CAPN7: variants seen among roughly 807,000 people sequenced by gnomAD.
CAPN7 encodes the protein calpain 7, also known as calpain-7.
CAPN7 carries 72 observed loss-of-function variants against 115.2 expected under a neutral mutation model. That is an observed-to-expected ratio of 0.63 (90% CI 0.52 to 0.76). The LOEUF is 0.76. Among genes scored for constraint, CAPN7 ranks in the 30% least tolerant of loss-of-function variants. CAPN7 has a pLI of 0.00. For missense variants in CAPN7, 905 were observed against 971.5 expected, an observed-to-expected ratio of 0.93 and a Z score of 0.91; for synonymous variants, 344 against 322.3, an observed-to-expected ratio of 1.07 and a Z score of -0.72.
In CAPN7 at chr3:15,206,484, G is replaced by T; in HGVS notation, c.-12G>T. 6.5e-7 allele frequency: 1 copy of T among 1,538,480 alleles called. No homozygotes were observed. The highest frequency in any genetic ancestry group is 2.5e-5 in the East Asian group (1 of 39,762). ...GGCCTCCTTCCCTGCCCCGGCGCGG[G>T]GCCACTGCGCCATGGACGCCACAGC... On this transcript the variant is annotated 5_prime_UTR_variant, in exon 1 of 21. Transcript: ENST00000253693.
chr3:15,213,606 T>C (rs1254315450), intron 2 of CAPN7, among the ~76,000 whole-genome samples: 4 of 152,218 alleles, frequency 2.6e-5, no homozygotes. Context: ...TCAAGCACAT[T>C]TATGCCCTAG....
intron 3 of CAPN7, 51 bp downstream of exon 3, chr3:15,217,633 C>A: frequency 7.0e-7 from 1 of 1,437,082 alleles, no homozygotes; most frequent in Non-Finnish European, 9.3e-7. Context: ...ACCATTTCTT[C>A]TCTTGCTAGT....
intron 9 of CAPN7, 99 bp from the exon 10 acceptor site, chr3:15,232,410 ATATTGTGCGT>A: frequency 1.3e-6 from 1 of 795,150 alleles, no homozygotes; most frequent in Non-Finnish European, 2.0e-6. Context: ...AGCCGTCAGC[ATATTGTGCGT>A]TATATTTTAT....
At chr3:15,215,170 G>A (rs1432008479) in intron 2 of CAPN7, among the ~76,000 whole-genome samples, 1 of 152,132 alleles carries the variant, frequency 6.6e-6, no homozygotes, top group Non-Finnish European at 1.5e-5. Context: ...AGTGCCTGTA[G>A]TTCCAGCCAC....
intron 5 of CAPN7, among the ~76,000 whole-genome samples, chr3:15,221,318 T>G (rs1243806504): frequency 2.0e-5 from 3 of 150,558 alleles, no homozygotes; most frequent in Non-Finnish European, 4.4e-5. Context: ...TAGCTGGGAC[T>G]ACAGGTGTGT....
intron 13 of CAPN7, 40 bp from the exon 14 acceptor site, chr3:15,240,714 A>G: frequency 1.3e-6 from 2 of 1,569,236 alleles, no homozygotes; most frequent in African/African-American, 1.4e-5. Context: ...ATCATTTAGC[A>G]TTAAGATTTT....
At position 15,234,041 on chromosome 3, in the gene CAPN7, C is replaced by T. The variant is rs146419738; in HGVS notation, c.1286+68C>T. On this transcript the variant is annotated intron_variant, in intron 11 of 20. Transcript: ENST00000253693. ...GTTTAAAAACATCATGCTGGCTGGG[C>T]GTGGTGGGTCATGCCTGTAATCCCA... The T allele has an allele frequency of 5.2e-3, 4,419 of 856,470 alleles. 18 individuals carry two copies. Among genetic ancestry groups the T allele is most frequent in the Non-Finnish European group, 5.2e-3 (2,715 of 523,900 alleles). 53.1% of individuals were successfully genotyped at this position (856,470 alleles called of 1,614,324 possible).
chr3:15,252,054 C>T lies in CAPN7; in HGVS notation c.*794C>T, dbSNP rs1290377207. The T allele has an allele frequency of 6.6e-6, 1 of 152,440 alleles. No individual in the cohort carries two copies. The allele number at this position is 152,440 out of a possible 1,614,324, so 9.4% of individuals were successfully genotyped here. ...CGTTCAGTCTCTTGTGGCAATAGCA[C>T]TTTGAAGAAAATAGAGAATTTAATA... On this transcript the variant is annotated 3_prime_UTR_variant, in exon 21 of 21. Transcript: ENST00000253693.
In CAPN7 at chr3:15,229,561, C is replaced by CTTTTTTTTT. The variant is rs566957976; in HGVS notation, c.938+522_938+530dup. On this transcript the variant is annotated intron_variant, in intron 8 of 20. Transcript: ENST00000253693. ...CATCAAAATTGGTTTTACTTTTTTTCTTTTTTTTTTTTTTTTTTTTTTTTT... is the reference window on the plus strand; with the variant it reads ...CATCAAAATTGGTTTTACTTTTTTTCTTTTTTTTTTTTTTTTTTTTTTTTTTTTTTTTTT... Among the ~76,000 whole-genome samples, 661 of 87,890 alleles carry CTTTTTTTTT rather than the reference C, an allele frequency of 7.5e-3. 26 individuals carry two copies. Among genetic ancestry groups the CTTTTTTTTT allele is most frequent in the East Asian group, 0.028 (60 of 2,136 alleles). 57.7% of individuals were successfully genotyped at this position (87,890 alleles called of 152,430 possible). A position where few individuals can be genotyped will look rare whatever the true frequency, so the allele number is the denominator to read the frequency against.
chr3:15,228,998 G>C lies in CAPN7; in HGVS notation c.877G>C (p.Val293Leu). 6.2e-7 allele frequency: 1 copy of C among 1,612,938 alleles called. No homozygotes were observed. The highest frequency in any genetic ancestry group is 8.5e-7 in the Non-Finnish European group (1 of 1,179,206). ...GACAATAGTATCGGATTGCTCCTTT[G>C]TGGCATCACTGGCCATCAGTGCAGC... Reference protein sequence around the residue: ...KQTIVSDCSFVASLAISAAYE... With the variant: ...KQTIVSDCSFLASLAISAAYE... Residue 293 changes from valine (V) to leucine (L), a missense_variant, in exon 8 of 21, where the codon GTG (valine) becomes CTG (leucine). Coordinates refer to ENST00000253693, the MANE Select transcript of CAPN7 (RefSeq NM_014296.3).
At chr3:15,225,679 A>G (rs946024339) in intron 6 of CAPN7, among the ~76,000 whole-genome samples, 18 of 152,074 alleles carry the variant, frequency 1.2e-4, no homozygotes, top group African/African-American at 4.1e-4. Context: ...CTTGTCTGCT[A>G]CTCTAGCATA....
intron 6 of CAPN7, among the ~76,000 whole-genome samples, chr3:15,226,551 T>C (rs915848953): frequency 2.1e-4 from 32 of 152,202 alleles, no homozygotes; most frequent in African/African-American, 7.7e-4. Flanking sequence ...CTCCTCAAAA[T>C]TTTTGAGAGC....
In CAPN7 at chr3:15,218,499, G is replaced by C; in HGVS notation, c.396G>C (p.Leu132=). The change falls in exon 4 of 21, where the codon CTG becomes CTC. Residue 132 remains leucine (L), a synonymous_variant. Coordinates refer to ENST00000253693, the MANE Select transcript of CAPN7 (RefSeq NM_014296.3). Reference sequence around the variant, plus strand: ...CTTATGAAACTGCTGATAAAGTCCTGCAAAATAAACTGAAACAGTTGGCTC... The same window carrying C: ...CTTATGAAACTGCTGATAAAGTCCTCCAAAATAAACTGAAACAGTTGGCTC... The part of the protein sequence containing the change: ...KTSYETADKV[L]QNKLKQLARQ... The C allele has an allele frequency of 6.2e-7, 1 of 1,613,224 alleles. No homozygotes were observed. Among genetic ancestry groups the C allele is most frequent in the Non-Finnish European group, 8.5e-7 (1 of 1,179,270 alleles).
Position 15,212,164 on chromosome 3 carries a change from G to GA in CAPN7, c.169dup (p.Ile57AsnfsTer3). On this transcript the variant is annotated frameshift_variant, in exon 2 of 21. Transcript: ENST00000253693. LOFTEE classifies it high-confidence loss of function. ...AGGATCAAGCCTAGAAAATATTCAA[G>GA]AAAAAATAACTGAGTATCTGGAAAG... 2 of 1,610,346 alleles carry GA rather than the reference G, an allele frequency of 1.2e-6. No individual in the cohort carries two copies. The highest frequency in any genetic ancestry group is 1.7e-6 in the Non-Finnish European group (2 of 1,177,870).
In CAPN7 at chr3:15,242,203, T is replaced by A; in HGVS notation, c.1814T>A (p.Phe605Tyr). The A allele has an allele frequency of 6.2e-7, 1 of 1,605,044 alleles. No homozygotes were observed. Among genetic ancestry groups the A allele is most frequent in the Non-Finnish European group, 8.5e-7 (1 of 1,177,766 alleles). ...GATGATTTTGCGAATAATCGAGAATTTATCACAATGGTTGTATACAAGACT... is the reference window on the plus strand; with the variant it reads ...GATGATTTTGCGAATAATCGAGAATATATCACAATGGTTGTATACAAGACT... ...DKDDFANNRE[F>Y]ITMVVYKTDG... is the part of the protein sequence containing the mutation. The change falls in exon 16 of 21, where the codon TTT becomes TAT. Residue 605 changes from phenylalanine to tyrosine, a missense_variant. Physicochemically the swap from Phe to Tyr is conservative, Grantham distance 22. Around this residue, in one of 3 missense-constraint regions of CAPN7, gnomAD observed 620 missense variants for 703.4 expected, o/e 0.88. Coordinates refer to ENST00000253693, the MANE Select transcript of CAPN7 (RefSeq NM_014296.3).
rs755013147 is a variant in CAPN7 at position 15,220,996 on chromosome 3, A to G, written c.638+15A>G. The G allele has an allele frequency of 6.3e-7, 1 of 1,595,512 alleles. No homozygotes were observed. The highest frequency in any genetic ancestry group is 8.6e-7 in the Non-Finnish European group (1 of 1,163,966). On this transcript the variant is annotated intron_variant, in intron 5 of 20. Transcript: ENST00000253693. ...GAAGTACTCAGGTAAATAAGTTTAC[A>G]ATTAATTGTAATGAAGAATTTTGTT...
chr3:15,206,572 A>G lies in CAPN7; in HGVS notation c.77A>G (p.Tyr26Cys), dbSNP rs1486109182. 2.6e-6 allele frequency: 4 copies of G among 1,551,422 alleles called. No individual in the cohort carries two copies. The highest frequency in any genetic ancestry group is 2.6e-6 in the Non-Finnish European group (3 of 1,147,694). ...GTTCAGCGCGACCACGAAGGCCGCT[A>G]CTCCGAGGCGGTGTTTTATTACAAG... ...LAVQRDHEGR[Y>C]SEAVFYYKEA... Residue 26 changes from tyrosine to cysteine, a missense_variant, in exon 1 of 21, where the codon TAC becomes TGC. Around this residue, in one of 3 missense-constraint regions of CAPN7, gnomAD observed 271 missense variants for 239.6 expected, o/e 1.13. Coordinates refer to ENST00000253693, the MANE Select transcript of CAPN7 (RefSeq NM_014296.3).
rs541383180 is a variant in CAPN7, at chr3:15,220,157, G to A, written c.438-624G>A. Reference sequence around the variant, plus strand: ...AGAGGTTGCAGTGAGCCAAGATTGCGCCACTACGCTCTAGCTTGGGCAACA... The same window carrying A: ...AGAGGTTGCAGTGAGCCAAGATTGCACCACTACGCTCTAGCTTGGGCAACA... On this transcript the variant is annotated intron_variant, in intron 4 of 20. Transcript: ENST00000253693. Among the ~76,000 whole-genome samples the A allele has an allele frequency of 8.6e-5, 13 of 151,840 alleles. No homozygotes were observed. In the South Asian group the frequency reaches 1.0e-3, roughly 12 times the overall value.
At chr3:15,229,180 G>A (rs1694516871) in intron 8 of CAPN7, 121 bp downstream of exon 8, 1 of 655,848 alleles carries the variant, frequency 1.5e-6, no homozygotes, top group African/African-American at 1.8e-5. Context: ...TGGCCCTTCT[G>A]TAGAAATTAA....
Sources: gnomAD v4.1 joint callset for allele counts (sites outside exome capture counted in the v4.1 genomes callset) on GRCh38, gnomAD v4.1.1 for gene constraint, gnomAD v4.1.1 regional missense constraint, MANE v1.5 for transcripts, NCBI Gene and HGNC (gene_info 2026-07-23, HGNC 2026-07-21) for gene names.